Variants in DDX60 observed in about 807,000 individuals in gnomAD.
DDX60 encodes the protein DExD/H-box helicase 60, also known as probable ATP-dependent RNA helicase DDX60.
A neutral mutation model predicts 212.8 loss-of-function variants in DDX60; 165 were observed. That is an observed-to-expected ratio of 0.78 (90% CI 0.68 to 0.88). The LOEUF (loss-of-function observed/expected upper bound fraction) is 0.88. Among genes scored for constraint, DDX60 ranks in the 40% least tolerant of loss-of-function variants. The probability of loss-of-function intolerance (pLI) is 0.00; values close to 1 mark genes in which losing one functional copy is unlikely to be tolerated. For synonymous variants in DDX60, 703 were observed against 685.3 expected, an observed-to-expected ratio of 1.03 and a Z score of -0.40; for missense variants, 1,905 against 2,003.9, an observed-to-expected ratio of 0.95 and a Z score of 0.94.
chr4:168,251,184 A>T (rs1179839444), intron 27 of DDX60, 78 bp from the exon 28 acceptor site: 1 of 1,347,636 alleles, frequency 7.4e-7, no homozygotes, highest in African/African-American at 1.5e-5. Context: ...AATAACATGC[A>T]TACTATGTAA....
Position 168,311,317 on chromosome 4 carries a change from C to T in DDX60, c.-58G>A, listed in dbSNP as rs377446338. On this transcript the variant is annotated 5_prime_UTR_variant, in exon 2 of 38. Transcript: ENST00000393743. ...GGCAAGTATTAAAGGTAGCAAATAC[C>T]CTTTATTTTGGTACCTCTAAGTGGC... The T allele has an allele frequency of 2.3e-4, 373 of 1,597,956 alleles. 2 individuals are homozygous for T. In the East Asian group the frequency reaches 5.4e-3, roughly 23 times the overall value.
chr4:168,223,394 T>C (rs1323861193), intron 35 of DDX60, among the ~76,000 whole-genome samples: 1 of 152,032 alleles, frequency 6.6e-6, no homozygotes, highest in African/African-American at 2.4e-5. Context: ...TTGGGTAAGG[T>C]AAATGTGAGG....
chr4:168,323,581 C>T (rs1265565889), upstream of DDX60, among the ~76,000 whole-genome samples: 3 of 152,298 alleles, frequency 2.0e-5, no homozygotes, highest in South Asian at 2.1e-4. Flanking sequence ...AAGTGAAATG[C>T]ACCTTTCTCA....
intron 1 of DDX60, 78 bp from the exon 2 acceptor site, chr4:168,311,443 T>TAA: frequency 1.8e-6 from 1 of 570,812 alleles, no homozygotes; most frequent in Admixed American, 3.3e-5. Context: ...AGCAAAATAT[T>TAA]AGACACAAGG....
chr4:168,240,043 T>C (rs1271085503), intron 30 of DDX60, among the ~76,000 whole-genome samples: 2 of 152,156 alleles, frequency 1.3e-5, no homozygotes, highest in African/African-American at 4.8e-5. Context: ...TTGTCTTTGT[T>C]TGCAGATGAC....
At chr4:168,318,226 G>C (rs903172669) in intron 1 of DDX60, among the ~76,000 whole-genome samples, 3 of 152,228 alleles carry the variant, frequency 2.0e-5, no homozygotes, top group Admixed American at 6.5e-5. Context: ...GTCTGGAGCA[G>C]GGATTGAAGG....
In DDX60 at chr4:168,306,233, T is replaced by A. The variant is rs1039632443; in HGVS notation, c.606+146A>T. On this transcript the variant is annotated intron_variant, in intron 5 of 37. Coordinates refer to ENST00000393743, the MANE Select transcript of DDX60 (RefSeq NM_017631.6). Reference sequence around the variant, plus strand: ...TTGATAAATGACTGCATTTGCATTATCATTATTTACTTAATATTATTAATT... The same window carrying A: ...TTGATAAATGACTGCATTTGCATTAACATTATTTACTTAATATTATTAATT... The A allele has an allele frequency of 7.3e-6, 4 of 550,426 alleles. No individual in the cohort carries two copies. In the African/African-American group the frequency reaches 7.5e-5, roughly 10 times the overall value. The allele number at this position is 550,426 out of a possible 1,614,324, so 34.1% of individuals were successfully genotyped here.
intron 8 of DDX60, among the ~76,000 whole-genome samples, chr4:168,289,902 T>C (rs570792550): frequency 1.3e-5 from 2 of 152,320 alleles, no homozygotes; most frequent in African/African-American, 4.8e-5. Context: ...CTTACATGAC[T>C]GAGGTAATAG....
Position 168,272,112 on chromosome 4 carries a change from A to G in DDX60, c.2601T>C (p.Phe867=), listed in dbSNP as rs371194007. Residue 867 remains phenylalanine, a synonymous_variant, in exon 19 of 38, where the codon TTT becomes TTC. Transcript: ENST00000393743. ...CQVLITVPAC[F]EILLLAPHRQ... ...GATGAGGAGCAAGCAGCAGAATTTC[A>G]AAGCAGGCAGGCACTGTAATAAGTA... 4.0e-5 allele frequency: 64 copies of G among 1,583,586 alleles called. 1 individual carries two copies. In the South Asian group the frequency reaches 6.0e-4, roughly 15 times the overall value.
chr4:168,306,471 C>G lies in DDX60; in HGVS notation c.514G>C (p.Val172Leu), dbSNP rs200171809. 1.2e-6 allele frequency: 2 copies of G among 1,614,138 alleles called. No individual in the cohort carries two copies. The highest frequency in any genetic ancestry group is 2.7e-5 in the African/African-American group (2 of 75,054). ...IIHSWARKVN[V>L]VLSSGQESDV... ...GATTCTTGCCCTGAGGAAAGTACAA[C>G]GTTGACCTTCCTTGCCCAAGAATGA... The change falls in exon 5 of 38, where the codon GTT becomes CTT. Residue 172 changes from valine to leucine, a missense_variant. Val to Leu is a conservative substitution (Grantham distance 32, BLOSUM62 1). Transcript: ENST00000393743.
At chr4:168,292,323 G>A (rs7660717) in intron 7 of DDX60, among the ~76,000 whole-genome samples, 7,198 of 152,022 alleles carry the variant, frequency 0.047, 541 homozygotes, top group African/African-American at 0.16. Context: ...AGGATTACTC[G>A]TGTGAGACAC....
rs764619164 is a variant in DDX60 at position 168,250,987 on chromosome 4, T to C, written c.3825A>G (p.Leu1275=). The change falls in exon 28 of 38, where the codon TTA becomes TTG. Residue 1275 remains leucine, a synonymous_variant. Transcript: ENST00000393743. ...HSAMSFKEKQ[L]VEILFRKGYL... ...ATCCTTTTCTAAAGAGGATTTCAAC[T>C]AATTGTTTTTCTTTGAAACTCATAG... The C allele has an allele frequency of 5.0e-6, 8 of 1,605,664 alleles. No homozygotes were observed. The East Asian group carries it at 1.8e-4, about 36-fold the overall frequency.
intron 37 of DDX60, among the ~76,000 whole-genome samples, chr4:168,217,523 A>G (rs1732891186): frequency 6.6e-6 from 1 of 152,222 alleles, no homozygotes. Context: ...AGATGTCCAT[A>G]TCATATATTC....
chr4:168,238,427 GGGAAGGGAAGGGA>G (rs1733714480), intron 30 of DDX60, among the ~76,000 whole-genome samples: 22 of 4,570 alleles, frequency 4.8e-3, no homozygotes, highest in South Asian at 0.042. Flanking sequence ...GGGGAGGGAA[GGGAAGGGAAGGGA>G]AGGGAAGGGA....
At chr4:168,290,328 CTT>C (rs547452038) in intron 8 of DDX60, among the ~76,000 whole-genome samples, 83 of 124,240 alleles carry the variant, frequency 6.7e-4, no homozygotes, top group African/African-American at 1.7e-3. Context: ...CTTTTCTTTT[CTT>C]TTTTTTTTTT....
rs953562937 is a variant in DDX60, at chr4:168,311,307, T to C, written c.-48A>G. ...AACCTGAACTGGCAAGTATTAAAGG[T>C]AGCAAATACCCTTTATTTTGGTACC... On this transcript the variant is annotated 5_prime_UTR_variant, in exon 2 of 38. Coordinates refer to ENST00000393743, the MANE Select transcript of DDX60 (RefSeq NM_017631.6). 4 of 1,607,878 alleles carry C rather than the reference T, an allele frequency of 2.5e-6. No individual in the cohort carries two copies. The African/African-American group carries it at 5.4e-5, about 22-fold the overall frequency.
rs202184468 is a variant in DDX60 at position 168,311,305 on chromosome 4, G to A, written c.-46C>T. On this transcript the variant is annotated 5_prime_UTR_variant, in exon 2 of 38. Transcript: ENST00000393743. The stretch of plus-strand genomic sequence containing the variant: ...CCAACCTGAACTGGCAAGTATTAAA[G>A]GTAGCAAATACCCTTTATTTTGGTA... The A allele has an allele frequency of 6.2e-7, 1 of 1,609,948 alleles. No homozygotes were observed. Among genetic ancestry groups the A allele is most frequent in the East Asian group, 2.2e-5 (1 of 44,818 alleles).
chr4:168,227,069 T>C (rs1376261048), intron 33 of DDX60, among the ~76,000 whole-genome samples: 1 of 152,108 alleles, frequency 6.6e-6, no homozygotes, highest in Non-Finnish European at 1.5e-5. Flanking sequence ...GTTGGTGTTA[T>C]TCTCTTTACG....
chr4:168,287,086 T>A lies in DDX60; in HGVS notation c.1301A>T (p.Lys434Ile). 1 of 1,609,342 alleles carries A rather than the reference T, an allele frequency of 6.2e-7. No individual in the cohort carries two copies. Among genetic ancestry groups the A allele is most frequent in the Non-Finnish European group, 8.5e-7 (1 of 1,178,864 alleles). The stretch of plus-strand genomic sequence containing the variant: ...TGGTTTCTTTTCAAGAAAACAAACT[T>A]TTGTTGTTCTCAGAGGAAATGGCTG... ...VGQPFPLRTTKVCFLEKKPSP... is the reference protein window; with the variant it reads ...VGQPFPLRTTIVCFLEKKPSP... The change falls in exon 10 of 38, where the codon AAA becomes ATA. Residue 434 changes from lysine to isoleucine, a missense_variant. Transcript: ENST00000393743.
Sources: allele counts gnomAD v4.1 joint callset (sites outside exome capture counted in the v4.1 genomes callset), GRCh38; gene constraint gnomAD v4.1.1; transcripts MANE v1.5; gene names NCBI Gene and HGNC (gene_info 2026-07-23, HGNC 2026-07-21).